SPOCK3: variants seen among roughly 807,000 people sequenced by gnomAD.
SPOCK3 encodes the protein testican-3.
SPOCK3 carries 30 observed loss-of-function variants against 56.6 expected under a neutral mutation model. The observed-to-expected ratio is 0.53, with a 90% CI of 0.40 to 0.72. The LOEUF is 0.72. Ranked by LOEUF, SPOCK3 falls within the 30% of genes least tolerant of loss-of-function variation. SPOCK3 has a pLI of 0.00. For missense variants in SPOCK3, 527 were observed against 530.0 expected, an observed-to-expected ratio of 0.99 and a Z score of 0.06; for synonymous variants, 196 against 183.3, an observed-to-expected ratio of 1.07 and a Z score of -0.56.
At chr4:166,908,231 T>TA (rs927871645) in intron 5 of SPOCK3, among the ~76,000 whole-genome samples, 2 of 150,796 alleles carry the variant, frequency 1.3e-5, no homozygotes, top group African/African-American at 4.9e-5. Flanking sequence ...TGAATTGTAA[T>TA]AAAAAAATTA....
intron 2 of SPOCK3, among the ~76,000 whole-genome samples, chr4:167,077,694 G>A (rs565110133): frequency 2.3e-4 from 35 of 151,884 alleles, no homozygotes; most frequent in African/African-American, 8.2e-4. Context: ...CTCCTCATTT[G>A]CACCTTAATA....
chr4:166,955,724 T>C (rs1202601536), intron 4 of SPOCK3, among the ~76,000 whole-genome samples: 2 of 150,278 alleles, frequency 1.3e-5, no homozygotes, highest in Non-Finnish European at 3.0e-5. Context: ...AATTTATAAC[T>C]ATATTTATTT....
intron 2 of SPOCK3, among the ~76,000 whole-genome samples, chr4:167,177,951 T>C (rs932457116): frequency 6.6e-6 from 1 of 152,166 alleles, no homozygotes; most frequent in Non-Finnish European, 1.5e-5. Flanking sequence ...TGCTTTCCTC[T>C]TTTTCTGTCT....
intron 7 of SPOCK3, among the ~76,000 whole-genome samples, chr4:166,762,851 C>T (rs922392845): frequency 2.6e-5 from 4 of 151,914 alleles, no homozygotes; most frequent in Admixed American, 2.6e-4. Flanking sequence ...CAAAATAAAG[C>T]ACATAGGAGA....
chr4:166,912,210 G>A (rs988928460), intron 5 of SPOCK3, among the ~76,000 whole-genome samples: 1 of 151,788 alleles, frequency 6.6e-6, no homozygotes, highest in South Asian at 2.1e-4. Flanking sequence ...TTTTTCATCT[G>A]GTAAAGAGAT....
chr4:166,987,132 C>A (rs574889255), intron 4 of SPOCK3, among the ~76,000 whole-genome samples: 1 of 152,248 alleles, frequency 6.6e-6, no homozygotes, highest in Non-Finnish European at 1.5e-5. Flanking sequence ...AGCTTCAAAG[C>A]CCTATAAGAT....
chr4:166,792,429 T>C, intron 6 of SPOCK3, 140 bp from the exon 7 acceptor site: 1 of 744,926 alleles, frequency 1.3e-6, no homozygotes, highest in Non-Finnish European at 2.1e-6. Context: ...TTTTCAAAGT[T>C]AAATATATGC....
At chr4:167,119,808 A>C in intron 2 of SPOCK3, 2 of 1,534,506 alleles carry the variant, frequency 1.3e-6, no homozygotes, top group Non-Finnish European at 1.7e-6. Flanking sequence ...CTGAGCCCAG[A>C]AGACATGTGG....
chr4:166,966,418 A>T (rs530334416), intron 4 of SPOCK3, among the ~76,000 whole-genome samples: 1 of 152,210 alleles, frequency 6.6e-6, no homozygotes, highest in African/African-American at 2.4e-5. Flanking sequence ...CAGCTCAATC[A>T]TACAAGTGCT....
intron 7 of SPOCK3, among the ~76,000 whole-genome samples, chr4:166,768,505 A>C (rs1181731760): frequency 6.6e-6 from 1 of 152,196 alleles, no homozygotes; most frequent in Non-Finnish European, 1.5e-5. Flanking sequence ...AAGAATGTTG[A>C]ATATTGGCCC....
At chr4:166,737,680 C>T (rs973973171) in intron 9 of SPOCK3, 76 bp from the exon 10 acceptor site, 61 of 1,475,864 alleles carry the variant, frequency 4.1e-5, no homozygotes, top group Non-Finnish European at 5.4e-5. Context: ...CTGAGAAGCA[C>T]CCATTATGCA....
At chr4:167,115,208 G>A (rs1366518719) in intron 2 of SPOCK3, among the ~76,000 whole-genome samples, 2 of 151,638 alleles carry the variant, frequency 1.3e-5, no homozygotes, top group Non-Finnish European at 2.9e-5. Context: ...TGCCCATCTG[G>A]TTACATATTA....
chr4:167,039,481 A>G (rs1259519887), intron 3 of SPOCK3, among the ~76,000 whole-genome samples: 1 of 152,144 alleles, frequency 6.6e-6, no homozygotes, highest in African/African-American at 2.4e-5. Context: ...ATTAACAACT[A>G]GCACATTATA....
chr4:167,216,456 G>A (rs879482180), intron 2 of SPOCK3, among the ~76,000 whole-genome samples: 6 of 152,092 alleles, frequency 3.9e-5, no homozygotes, highest in Non-Finnish European at 8.8e-5. Context: ...TTATCTACAA[G>A]ACTAGCCTAA....
chr4:166,987,332 C>T (rs1242764324), intron 4 of SPOCK3, among the ~76,000 whole-genome samples: 3 of 152,158 alleles, frequency 2.0e-5, no homozygotes, highest in African/African-American at 7.2e-5. Context: ...AGTAATTCTT[C>T]AAACATTATC....
intron 2 of SPOCK3, among the ~76,000 whole-genome samples, chr4:167,102,922 GAAAAAAAAAAAA>G (rs55740507): frequency 1.6e-5 from 1 of 62,516 alleles, no homozygotes; most frequent in Non-Finnish European, 2.9e-5. Flanking sequence ...ATAGCTTGCA[GAAAAAAAAAAAA>G]AAAAAAAAAA....
At chr4:166,922,961 G>C (rs1738666805) in intron 4 of SPOCK3, among the ~76,000 whole-genome samples, 1 of 152,118 alleles carries the variant, frequency 6.6e-6, no homozygotes, top group African/African-American at 2.4e-5. Context: ...CATGTCTGCT[G>C]TAATAACTTA....
intron 6 of SPOCK3, among the ~76,000 whole-genome samples, chr4:166,860,802 C>CATATATATACAT (rs1553989681): frequency 3.9e-5 from 4 of 101,940 alleles, no homozygotes; most frequent in South Asian, 3.2e-4. Flanking sequence ...CACACAAATT[C>CATATATATACAT]ATATATATAT....
chr4:166,882,294 G>C (rs1480827872), intron 6 of SPOCK3, among the ~76,000 whole-genome samples: 1 of 152,130 alleles, frequency 6.6e-6, no homozygotes, highest in Non-Finnish European at 1.5e-5. Flanking sequence ...CTCAGGAAAA[G>C]AGTTCACAAA....
Sources: gnomAD v4.1 joint callset for allele counts (sites outside exome capture counted in the v4.1 genomes callset) on GRCh38, gnomAD v4.1.1 for gene constraint, MANE v1.5 for transcripts, NCBI Gene and HGNC (gene_info 2026-07-23, HGNC 2026-07-21) for gene names.